Variants in MARCHF8 observed in about 807,000 individuals in gnomAD.
MARCHF8 encodes the protein membrane associated ring-CH-type finger 8, also known as E3 ubiquitin-protein ligase MARCHF8.
Under a neutral mutation model 51.6 loss-of-function variants are expected in MARCHF8, and 40 were observed. That is an observed-to-expected ratio of 0.77 (90% CI 0.60 to 1.01). MARCHF8 has a LOEUF of 1.01. MARCHF8 is among the 50% of genes least tolerant of loss of function. MARCHF8 has a pLI of 0.00. For synonymous variants in MARCHF8, 263 were observed against 280.3 expected, an observed-to-expected ratio of 0.94 and a Z score of 0.62; for missense variants, 685 against 708.6, an observed-to-expected ratio of 0.97 and a Z score of 0.38.
intron 1 of MARCHF8, among the ~76,000 whole-genome samples, chr10:45,534,453 G>C (rs1053915200): frequency 6.6e-6 from 1 of 151,998 alleles, no homozygotes; most frequent in Admixed American, 6.6e-5. Flanking sequence ...CCTGTTTCTG[G>C]TTTTCTCTTA....
intron 2 of MARCHF8, among the ~76,000 whole-genome samples, chr10:45,510,985 T>C (rs149582600): frequency 6.6e-6 from 1 of 152,318 alleles, no homozygotes; most frequent in African/African-American, 2.4e-5. Context: ...ACCCTTAAAG[T>C]TATGAAAAAA....
chr10:45,514,164 C>T (rs1369465184), intron 2 of MARCHF8, among the ~76,000 whole-genome samples: 1 of 152,218 alleles, frequency 6.6e-6, no homozygotes. Flanking sequence ...AAACAAAGTA[C>T]ATCATTGAAA....
chr10:45,594,359 G>A (rs1014649453), exon 1 of MARCHF8: 5 of 152,296 alleles, frequency 3.3e-5, no homozygotes, highest in African/African-American at 1.2e-4. Flanking sequence ...TCAGGCCAAA[G>A]ACGACGGCTG....
At chr10:45,585,234 C>T (rs1296561398) in intron 1 of MARCHF8, among the ~76,000 whole-genome samples, 1 of 152,148 alleles carries the variant, frequency 6.6e-6, no homozygotes, top group Non-Finnish European at 1.5e-5. Context: ...AGCTATACAC[C>T]TGACCATACA....
intron 3 of MARCHF8, among the ~76,000 whole-genome samples, chr10:45,486,804 C>CTTTTTTT (rs34757159): frequency 3.2e-5 from 3 of 94,578 alleles, no homozygotes; most frequent in Non-Finnish European, 6.1e-5. Flanking sequence ...TATTACCCTA[C>CTTTTTTT]TTTTTTTTTT....
intron 1 of MARCHF8, among the ~76,000 whole-genome samples, chr10:45,574,529 A>G (rs2044467480): frequency 6.6e-6 from 1 of 151,896 alleles, no homozygotes; most frequent in African/African-American, 2.4e-5. Flanking sequence ...TGACCCTAAC[A>G]CCCATCAGGC....
At chr10:45,486,218 G>A (rs937374500) in intron 3 of MARCHF8, among the ~76,000 whole-genome samples, 2 of 152,132 alleles carry the variant, frequency 1.3e-5, no homozygotes, top group Non-Finnish European at 2.9e-5. Context: ...TAAGCATCCC[G>A]GAACTCACTG....
chr10:45,523,044 C>T (rs2043734635), intron 2 of MARCHF8, among the ~76,000 whole-genome samples: 1 of 151,864 alleles, frequency 6.6e-6, no homozygotes, highest in South Asian at 2.1e-4. Context: ...TATTCATGTG[C>T]AAGCATTTTT....
At position 45,455,489 on chromosome 10, in the gene MARCHF8, G is replaced by A. The variant is rs550510391; in HGVS notation, c.*2750C>T. 6.7e-6 allele frequency: 1 copy of A among 149,910 alleles called. No individual in the cohort carries two copies. Among genetic ancestry groups the A allele is most frequent in the South Asian group, 2.2e-4 (1 of 4,634 alleles). 9.3% of individuals were successfully genotyped at this position (149,910 alleles called of 1,614,324 possible). A position where few individuals can be genotyped will look rare whatever the true frequency, so the allele number is the denominator to read the frequency against. ...TCCTGGCCCTGAGACCTCATTCTGG[G>A]TTTCTATATGGGTCAACCAAATGCC... On this transcript the variant is annotated 3_prime_UTR_variant, in exon 8 of 8. Coordinates refer to ENST00000453424, the MANE Select transcript of MARCHF8 (RefSeq NM_001282866.2).
intron 3 of MARCHF8, among the ~76,000 whole-genome samples, chr10:45,480,165 T>C (rs569601653): frequency 2.0e-5 from 3 of 152,278 alleles, no homozygotes; most frequent in Admixed American, 6.5e-5. Context: ...ATTTATGGTA[T>C]CTGGAGGAAA....
chr10:45,548,151 C>A (rs747329190), intron 1 of MARCHF8, among the ~76,000 whole-genome samples: 2 of 152,130 alleles, frequency 1.3e-5, no homozygotes, highest in African/African-American at 2.4e-5. Context: ...AACAATGCTA[C>A]CCAGTAGGAA....
At chr10:45,464,098 G>A in intron 4 of MARCHF8, 102 bp from the exon 5 acceptor site, 1 of 1,515,656 alleles carries the variant, frequency 6.6e-7, no homozygotes, top group Non-Finnish European at 8.9e-7. Flanking sequence ...GTAACTTGGT[G>A]AGCAAACCAC....
At chr10:45,558,379 T>C (rs2044274863) in intron 1 of MARCHF8, among the ~76,000 whole-genome samples, 2 of 152,198 alleles carry the variant, frequency 1.3e-5, no homozygotes, top group Non-Finnish European at 2.9e-5. Context: ...ACATGGTATC[T>C]GTCATTCACA....
intron 1 of MARCHF8, among the ~76,000 whole-genome samples, chr10:45,576,247 G>C (rs531678478): frequency 6.6e-6 from 1 of 152,256 alleles, no homozygotes; most frequent in African/African-American, 2.4e-5. Context: ...AGGCATCAAA[G>C]CAATTCAATG....
At chr10:45,516,081 G>C (rs550500025) in intron 2 of MARCHF8, among the ~76,000 whole-genome samples, 26 of 152,276 alleles carry the variant, frequency 1.7e-4, no homozygotes, top group African/African-American at 5.5e-4. Flanking sequence ...CCATGAATGA[G>C]AGGATAAGAG....
At chr10:45,464,114 A>G in intron 4 of MARCHF8, 118 bp from the exon 5 acceptor site, 17 of 1,529,384 alleles carry the variant, frequency 1.1e-5, no homozygotes, top group Non-Finnish European at 1.4e-5. Context: ...ACCACACATA[A>G]AACTCGCCAA....
chr10:45,484,269 A>G (rs954079434), intron 3 of MARCHF8, among the ~76,000 whole-genome samples: 1 of 152,250 alleles, frequency 6.6e-6, no homozygotes, highest in Non-Finnish European at 1.5e-5. Flanking sequence ...TTAGAAAATG[A>G]TTAAGCAAAC....
intron 3 of MARCHF8, among the ~76,000 whole-genome samples, chr10:45,472,093 C>T (rs937779231): frequency 4.0e-5 from 6 of 150,928 alleles, no homozygotes; most frequent in African/African-American, 1.5e-4. Context: ...GGAAAAATGA[C>T]CCTCACTTCC....
chr10:45,560,684 C>T (rs1015641458), intron 1 of MARCHF8, among the ~76,000 whole-genome samples: 40 of 152,262 alleles, frequency 2.6e-4, no homozygotes, highest in African/African-American at 9.6e-4. Flanking sequence ...TTTCTCCTGT[C>T]GTTCAGCCAG....
Sources: allele counts gnomAD v4.1 joint callset (sites outside exome capture counted in the v4.1 genomes callset), GRCh38; gene constraint gnomAD v4.1.1; transcripts MANE v1.5; gene names NCBI Gene and HGNC (gene_info 2026-07-23, HGNC 2026-07-21).